Variants in ATRNL1 observed in about 807,000 individuals in gnomAD.
ATRNL1 encodes the protein attractin-like protein 1.
A neutral mutation model predicts 182.7 loss-of-function variants in ATRNL1; 95 were observed. The ratio of observed to expected loss-of-function variants is 0.52; its 90% CI spans 0.44 to 0.62. The LOEUF is 0.62. ATRNL1 is among the 20% of genes least tolerant of loss of function. The pLI is 0.00. For synonymous variants in ATRNL1, 576 were observed against 568.3 expected, an observed-to-expected ratio of 1.01 and a Z score of -0.19; for missense variants, 1,471 against 1,679.5, an observed-to-expected ratio of 0.88 and a Z score of 2.17.
rs76390528 is a variant in ATRNL1, at chr10:115,683,837, G to A, written c.3796-43411G>A. On this transcript the variant is annotated intron_variant, in intron 26 of 28. Transcript: ENST00000355044. Reference sequence around the variant, plus strand: ...TCCTCAAAGAATTGATATAATTTATGTAAGCTATTTTTTAAGATTTAGCAT... The same window carrying A: ...TCCTCAAAGAATTGATATAATTTATATAAGCTATTTTTTAAGATTTAGCAT... 9.7e-3 allele frequency among the ~76,000 whole-genome samples: 1,475 copies of A among 151,836 alleles called. 23 individuals carry two copies. Among genetic ancestry groups the A allele is most frequent in the African/African-American group, 0.034 (1,414 of 41,512 alleles).
chr10:115,564,377 C>T (rs1555000871), intron 26 of ATRNL1, among the ~76,000 whole-genome samples: 4 of 151,962 alleles, frequency 2.6e-5, no homozygotes, highest in East Asian at 3.8e-4. Context: ...TGTATTCCCA[C>T]AGCCCATTCA....
intron 28 of ATRNL1, among the ~76,000 whole-genome samples, chr10:115,886,258 G>C (rs1555109772): frequency 6.6e-6 from 1 of 152,176 alleles, no homozygotes; most frequent in South Asian, 2.1e-4. Flanking sequence ...CCAAGAAGTT[G>C]ATACCATATT....
chr10:115,197,737 C>A (rs192039481), intron 8 of ATRNL1, among the ~76,000 whole-genome samples: 1 of 152,066 alleles, frequency 6.6e-6, no homozygotes, highest in Middle Eastern at 3.2e-3. Flanking sequence ...AAGTTGGCTC[C>A]CCCTAAACAC....
chr10:115,391,786 C>G (rs1395454353), intron 19 of ATRNL1, among the ~76,000 whole-genome samples: 1 of 151,490 alleles, frequency 6.6e-6, no homozygotes, highest in Non-Finnish European at 1.5e-5. Flanking sequence ...CATCACTCCT[C>G]TAGAGTTTTT....
chr10:115,459,135 A>G (rs985617976), intron 21 of ATRNL1, among the ~76,000 whole-genome samples: 2 of 152,068 alleles, frequency 1.3e-5, no homozygotes, highest in Non-Finnish European at 2.9e-5. Context: ...TAATCTCTTA[A>G]TCCTGTCAGC....
At chr10:115,786,238 C>CT (rs1213993889) in intron 27 of ATRNL1, among the ~76,000 whole-genome samples, 40 of 151,236 alleles carry the variant, frequency 2.6e-4, no homozygotes, top group Admixed American at 9.2e-4. Context: ...CATTTGCAGA[C>CT]TTTTTTTTTA....
intron 18 of ATRNL1, 129 bp downstream of exon 18, chr10:115,315,865 A>G (rs1184452308): frequency 1.4e-6 from 1 of 732,928 alleles, no homozygotes; most frequent in African/African-American, 1.8e-5. Flanking sequence ...AAAATGTCAA[A>G]GATAAAAAAT....
At chr10:115,656,389 A>G (rs915336862) in intron 26 of ATRNL1, among the ~76,000 whole-genome samples, 2 of 152,146 alleles carry the variant, frequency 1.3e-5, no homozygotes, top group Non-Finnish European at 2.9e-5. Context: ...CATTCTCCCC[A>G]TATCTGTATG....
chr10:115,747,169 G>C (rs782647094), intron 27 of ATRNL1, among the ~76,000 whole-genome samples: 5 of 152,068 alleles, frequency 3.3e-5, no homozygotes, highest in African/African-American at 4.8e-5. Flanking sequence ...ACAGCCTGCA[G>C]CCTTTTCTTA....
intron 28 of ATRNL1, among the ~76,000 whole-genome samples, chr10:115,921,226 G>A (rs1555118680): frequency 6.6e-6 from 1 of 152,088 alleles, no homozygotes; most frequent in African/African-American, 2.4e-5. Flanking sequence ...GGGACTAAAA[G>A]GGGTGGTTTA....
chr10:115,387,499 C>G (rs1284175759), intron 19 of ATRNL1, among the ~76,000 whole-genome samples: 2 of 152,198 alleles, frequency 1.3e-5, no homozygotes, highest in African/African-American at 4.8e-5. Context: ...ATGAAATCCA[C>G]AATCCAGTGG....
intron 24 of ATRNL1, among the ~76,000 whole-genome samples, chr10:115,484,581 T>A (rs7905992): frequency 0.043 from 6,560 of 151,754 alleles, 518 homozygotes; most frequent in African/African-American, 0.15. Flanking sequence ...GAGTGCTTCT[T>A]TAACACCACT....
intron 6 of ATRNL1, among the ~76,000 whole-genome samples, chr10:115,161,544 G>A (rs1330744492): frequency 6.6e-6 from 1 of 152,000 alleles, no homozygotes. Context: ...AAGACAAAGA[G>A]CAACATTGTC....
intron 5 of ATRNL1, among the ~76,000 whole-genome samples, chr10:115,133,189 A>C (rs1845338918): frequency 6.6e-6 from 1 of 152,152 alleles, no homozygotes; most frequent in Admixed American, 6.5e-5. Flanking sequence ...TAAATAGGGA[A>C]TCCTTTCCCC....
intron 28 of ATRNL1, among the ~76,000 whole-genome samples, chr10:115,920,593 C>T (rs1178262022): frequency 6.6e-6 from 1 of 152,172 alleles, no homozygotes; most frequent in Non-Finnish European, 1.5e-5. Flanking sequence ...TGCTAAAGGT[C>T]CCCAGGGGGA....
At chr10:115,535,617 C>T (rs534029591) in intron 25 of ATRNL1, among the ~76,000 whole-genome samples, 1 of 152,336 alleles carries the variant, frequency 6.6e-6, no homozygotes, top group South Asian at 2.1e-4. Context: ...TCATCAGAGT[C>T]ATTCTCCGTC....
chr10:115,515,316 TTC>T (rs1433540464), intron 24 of ATRNL1, among the ~76,000 whole-genome samples: 1 of 113,712 alleles, frequency 8.8e-6, no homozygotes, highest in East Asian at 2.0e-4. Flanking sequence ...AGAATAGTTG[TTC>T]TTTTTTTTTT....
At position 115,473,192 on chromosome 10, in the gene ATRNL1, C is replaced by T. The variant is rs75585646; in HGVS notation, c.3654+3863C>T. ...ATCCATGCATTCCTGGGATAAATCC[C>T]ACTTGATCATGTTTTATGATACTTA... On this transcript the variant is annotated intron_variant, in intron 24 of 28. Coordinates refer to ENST00000355044, the MANE Select transcript of ATRNL1 (RefSeq NM_207303.4). 6.5e-3 allele frequency among the ~76,000 whole-genome samples: 977 copies of T among 151,276 alleles called. 5 individuals carry two copies. Among genetic ancestry groups the T allele is most frequent in the Non-Finnish European group, 0.011 (768 of 67,468 alleles).
chr10:115,169,371 TA>T (rs1554885039), intron 7 of ATRNL1, among the ~76,000 whole-genome samples: 1 of 151,778 alleles, frequency 6.6e-6, no homozygotes, highest in African/African-American at 2.4e-5. Flanking sequence ...CATGCCCAGC[TA>T]ATTTTTTTAT....
Sources: allele counts gnomAD v4.1 joint callset (sites outside exome capture counted in the v4.1 genomes callset), GRCh38; gene constraint gnomAD v4.1.1; transcripts MANE v1.5; gene names NCBI Gene and HGNC (gene_info 2026-07-23, HGNC 2026-07-21).